The following SH3RF3 variants were observed in gnomAD, a reference collection of about 807,000 sequenced individuals.
SH3RF3 encodes the protein E3 ubiquitin-protein ligase SH3RF3.
A neutral mutation model predicts 66.3 loss-of-function variants in SH3RF3; 29 were observed. The observed-to-expected ratio is 0.44, with a 90% confidence interval of 0.33 to 0.60. The LOEUF (loss-of-function observed/expected upper bound fraction) is 0.60, where lower values mean the gene tolerates loss of function less well. SH3RF3 is among the 20% of genes least tolerant of loss of function. The pLI is 0.04. For missense variants in SH3RF3, 1,194 were observed against 1,190.9 expected, an observed-to-expected ratio of 1.00 and a Z score of -0.04; for synonymous variants, 583 against 532.0, an observed-to-expected ratio of 1.10 and a Z score of -1.32.
At chr2:109,477,615 TGTG>T (rs1678719319) in intron 8 of SH3RF3, among the ~76,000 whole-genome samples, 5 of 35,558 alleles carry the variant, frequency 1.4e-4, no homozygotes, top group Non-Finnish European at 4.0e-4. Context: ...CACAGATGGG[TGTG>T]TGTGTGTGTG....
At chr2:109,349,036 TCA>T (rs1425482283) in intron 2 of SH3RF3, among the ~76,000 whole-genome samples, 1 of 151,700 alleles carries the variant, frequency 6.6e-6, no homozygotes, top group South Asian at 2.1e-4. Flanking sequence ...TCTCTCTCTC[TCA>T]CACACACACG....
intron 1 of SH3RF3, among the ~76,000 whole-genome samples, chr2:109,333,869 A>G (rs1423098934): frequency 2.0e-5 from 3 of 152,198 alleles, no homozygotes; most frequent in Non-Finnish European, 4.4e-5. Flanking sequence ...AATTATGATG[A>G]TATAATAATG....
At chr2:109,221,025 G>T (rs1679224161) in intron 1 of SH3RF3, among the ~76,000 whole-genome samples, 1 of 152,142 alleles carries the variant, frequency 6.6e-6, no homozygotes, top group Admixed American at 6.5e-5. Context: ...AGATGACAGG[G>T]TAAACAAAAT....
intron 6 of SH3RF3, among the ~76,000 whole-genome samples, chr2:109,433,333 T>C (rs1677301229): frequency 6.6e-6 from 1 of 152,264 alleles, no homozygotes. Context: ...TATTTTTTTC[T>C]TTGTGTTGTC....
intron 1 of SH3RF3, among the ~76,000 whole-genome samples, chr2:109,270,679 T>G (rs777647288): frequency 1.3e-5 from 2 of 152,194 alleles, no homozygotes; most frequent in Non-Finnish European, 1.5e-5. Flanking sequence ...GCCCCGTATC[T>G]GGGCCACGCA....
At chr2:109,162,115 G>A (rs1677503984) in intron 1 of SH3RF3, among the ~76,000 whole-genome samples, 1 of 152,168 alleles carries the variant, frequency 6.6e-6, no homozygotes, top group African/African-American at 2.4e-5. Context: ...GCTGAGGATG[G>A]ACACCTGCTT....
At chr2:109,333,461 G>A (rs1682334094) in intron 1 of SH3RF3, among the ~76,000 whole-genome samples, 1 of 152,206 alleles carries the variant, frequency 6.6e-6, no homozygotes. Flanking sequence ...CTGGACTTGA[G>A]ATCACATTTC....
chr2:109,496,762 T>A (rs1679272159), intron 9 of SH3RF3, among the ~76,000 whole-genome samples: 1 of 142,750 alleles, frequency 7.0e-6, no homozygotes, highest in Non-Finnish European at 1.5e-5. Context: ...CTCATGACTA[T>A]GTTACCATAC....
At chr2:109,496,939 C>T (rs1175141073) in intron 9 of SH3RF3, among the ~76,000 whole-genome samples, 1 of 152,072 alleles carries the variant, frequency 6.6e-6, no homozygotes, top group African/African-American at 2.4e-5. Context: ...ATGATGTGAG[C>T]ACTCCCCTTT....
chr2:109,201,814 C>G (rs1185845290), intron 1 of SH3RF3, among the ~76,000 whole-genome samples: 1 of 152,182 alleles, frequency 6.6e-6, no homozygotes, highest in African/African-American at 2.4e-5. Flanking sequence ...CAGCTGATCT[C>G]TTGGGTTATT....
intron 1 of SH3RF3, among the ~76,000 whole-genome samples, chr2:109,264,832 G>A (rs1680451084): frequency 6.6e-6 from 1 of 152,226 alleles, no homozygotes; most frequent in Non-Finnish European, 1.5e-5. Flanking sequence ...GAGGCTTTCT[G>A]GAGTGTGCTA....
chr2:109,493,658 CATATT>C (rs1679186747), intron 9 of SH3RF3, among the ~76,000 whole-genome samples: 2 of 151,668 alleles, frequency 1.3e-5, no homozygotes, highest in South Asian at 2.1e-4. Flanking sequence ...CATACACACA[CATATT>C]ATACAAACAC....
At chr2:109,164,625 A>G (rs1395523811) in intron 1 of SH3RF3, among the ~76,000 whole-genome samples, 2 of 152,190 alleles carry the variant, frequency 1.3e-5, no homozygotes, top group Non-Finnish European at 2.9e-5. Flanking sequence ...TAAAGGTGTA[A>G]AAATTGGATC....
chr2:109,213,615 G>A (rs1250097320), intron 1 of SH3RF3, among the ~76,000 whole-genome samples: 2 of 152,198 alleles, frequency 1.3e-5, no homozygotes, highest in African/African-American at 4.8e-5. Context: ...AACACAGCAG[G>A]CACCTTTGAG....
chr2:109,449,566 G>A (rs934562048), intron 8 of SH3RF3, 77 bp downstream of exon 8: 42 of 1,515,302 alleles, frequency 2.8e-5, no homozygotes, highest in Non-Finnish European at 3.6e-5. Context: ...AGATGGCAGT[G>A]GCATTTGTGC....
intron 1 of SH3RF3, among the ~76,000 whole-genome samples, chr2:109,290,024 G>A (rs369188193): frequency 3.9e-5 from 6 of 152,140 alleles, no homozygotes; most frequent in Non-Finnish European, 8.8e-5. Context: ...TGCAGATTCC[G>A]ATTCTATAGG....
intron 1 of SH3RF3, among the ~76,000 whole-genome samples, chr2:109,238,806 G>A (rs934100866): frequency 3.9e-5 from 6 of 152,074 alleles, no homozygotes; most frequent in South Asian, 2.1e-4. Context: ...GATGAAACCC[G>A]GCGAGGTGTG....
chr2:109,473,721 AC>A (rs997065858), intron 8 of SH3RF3, among the ~76,000 whole-genome samples: 2 of 42,798 alleles, frequency 4.7e-5, no homozygotes, highest in Admixed American at 4.5e-4. Context: ...TCAGCCACCC[AC>A]CCACCCCACC....
chr2:109,442,505 T>C (rs1372004558), intron 7 of SH3RF3, among the ~76,000 whole-genome samples: 1 of 152,130 alleles, frequency 6.6e-6, no homozygotes, highest in African/African-American at 2.4e-5. Context: ...TAATTGACTG[T>C]TTAAACAAAA....
Sources: gnomAD v4.1 joint callset for allele counts (sites outside exome capture counted in the v4.1 genomes callset) on GRCh38, gnomAD v4.1.1 for gene constraint, MANE v1.5 for transcripts, NCBI Gene and HGNC (gene_info 2026-07-23, HGNC 2026-07-21) for gene names.